Variants in ATP11B observed in about 807,000 individuals in gnomAD.
ATP11B encodes phospholipid-transporting ATPase IF.
Under a neutral mutation model 157.8 loss-of-function variants are expected in ATP11B, and 81 were observed. The observed-to-expected ratio is 0.51, with a 90% CI of 0.43 to 0.62. The LOEUF is 0.62. Ranked by LOEUF, ATP11B falls within the 20% of genes least tolerant of loss-of-function variation. ATP11B has a pLI of 0.00. For missense variants in ATP11B, 1,165 were observed against 1,402.2 expected (o/e 0.83, Z 2.70); for synonymous variants, 451 against 469.4 (o/e 0.96, Z 0.51).
intron 10 of ATP11B, among the ~76,000 whole-genome samples, chr3:182,848,838 A>T (rs535437521): frequency 2.0e-5 from 3 of 152,212 alleles, no homozygotes; most frequent in Non-Finnish European, 2.9e-5. Flanking sequence ...CTGAAAAAAA[A>T]ATTTAAATAA....
At position 182,804,577 on chromosome 3, in the gene ATP11B, G is replaced by A. The variant is rs137997435; in HGVS notation, c.27+10791G>A. Among the ~76,000 whole-genome samples the A allele has an allele frequency of 4.8e-3, 732 of 152,216 alleles. 3 individuals carry two copies. The highest frequency in any genetic ancestry group is 8.3e-3 in the Admixed American group (127 of 15,296). ...TCCAGTGTTCTTTCTCATCTTCTGCGTTACAGTTGCATAGTAGTCTGTTTT... is the reference window on the plus strand; with the variant it reads ...TCCAGTGTTCTTTCTCATCTTCTGCATTACAGTTGCATAGTAGTCTGTTTT... On this transcript the variant is annotated intron_variant, in intron 1 of 29. Coordinates refer to ENST00000323116, the MANE Select transcript of ATP11B (RefSeq NM_014616.3).
At chr3:182,883,261 CTTT>C (rs113393141) in intron 21 of ATP11B, among the ~76,000 whole-genome samples, 1 of 144,972 alleles carries the variant, frequency 6.9e-6, no homozygotes, top group East Asian at 2.0e-4. Context: ...TAAAACAATC[CTTT>C]TTTTTTTTTT....
chr3:182,900,602 GA>G (rs113269324), intron 28 of ATP11B, among the ~76,000 whole-genome samples: 6 of 150,414 alleles, frequency 4.0e-5, no homozygotes, highest in South Asian at 2.1e-4. Context: ...CTAATCTTCT[GA>G]AAAAAAAATT....
intron 1 of ATP11B, among the ~76,000 whole-genome samples, chr3:182,799,254 T>A (rs1715822709): frequency 6.6e-6 from 1 of 152,148 alleles, no homozygotes; most frequent in South Asian, 2.1e-4. Context: ...TTTCTGCAGT[T>A]GTCTGAGTGC....
chr3:182,812,756 T>A (rs1716749361), intron 1 of ATP11B, among the ~76,000 whole-genome samples: 1 of 152,226 alleles, frequency 6.6e-6, no homozygotes. Flanking sequence ...TAACCATTTT[T>A]AAGTGTACAG....
At chr3:182,799,073 G>C (rs1245152011) in intron 1 of ATP11B, among the ~76,000 whole-genome samples, 3 of 152,258 alleles carry the variant, frequency 2.0e-5, no homozygotes, top group East Asian at 1.9e-4. Flanking sequence ...CTTTACCCAG[G>C]CTTTTTTTCT....
At position 182,880,961 on chromosome 3, in the gene ATP11B, A is replaced by G. The variant is rs765881653; in HGVS notation, c.2489A>G (p.Gln830Arg). Reference protein sequence around the residue: ...GDGANDVSMIQEAHVGIGIMG... With the variant: ...GDGANDVSMIREAHVGIGIMG... ...GGTGCTAATGACGTAAGCATGATACAAGAAGCCCATGTTGGCATAGGTGAT... is the reference window on the plus strand; with the variant it reads ...GGTGCTAATGACGTAAGCATGATACGAGAAGCCCATGTTGGCATAGGTGAT... Residue 830 changes from glutamine to arginine, a missense_variant, in exon 21 of 30, where the codon CAA becomes CGA. Physicochemically the swap from Gln to Arg is conservative, Grantham distance 43 (BLOSUM62 1). Coordinates refer to ENST00000323116, the MANE Select transcript of ATP11B (RefSeq NM_014616.3). 6.3e-7 allele frequency: 1 copy of G among 1,591,604 alleles called. No individual in the cohort carries two copies. Among genetic ancestry groups the G allele is most frequent in the Non-Finnish European group, 8.5e-7 (1 of 1,170,394 alleles).
At chr3:182,808,082 C>T (rs1716436861) in intron 1 of ATP11B, among the ~76,000 whole-genome samples, 1 of 152,166 alleles carries the variant, frequency 6.6e-6, no homozygotes, top group Admixed American at 6.5e-5. Context: ...AAAGCTTGAG[C>T]ACAATATAGT....
At chr3:182,902,618 A>C in intron 28 of ATP11B, 1 of 1,117,834 alleles carries the variant, frequency 8.9e-7, no homozygotes, top group Non-Finnish European at 1.2e-6. Context: ...CTAAAGGTCA[A>C]TTAAACAATA....
At chr3:182,848,191 TTTCCTCTATCAATTCCAA>T (rs1290923858) in intron 9 of ATP11B, among the ~76,000 whole-genome samples, 1 of 152,250 alleles carries the variant, frequency 6.6e-6, no homozygotes, top group Non-Finnish European at 1.5e-5. Flanking sequence ...TCCAGATTCT[TTTCCTCTATCAATTCCAA>T]TTCAAGTAAT....
At position 182,837,221 on chromosome 3, in the gene ATP11B, C is replaced by A. The variant is rs773475967; in HGVS notation, c.656+47C>A. The A allele has an allele frequency of 1.1e-5, 14 of 1,306,858 alleles. No individual in the cohort carries two copies. The South Asian group carries it at 1.9e-4, about 17-fold the overall frequency. 81.0% of individuals were successfully genotyped at this position (1,306,858 alleles called of 1,614,324 possible). On this transcript the variant is annotated intron_variant, in intron 7 of 29. Coordinates refer to ENST00000323116, the MANE Select transcript of ATP11B (RefSeq NM_014616.3). Reference sequence around the variant, plus strand: ...ACTTATTTTAAGTCCTATTTACAGACCTCATTTTTAAATAACCATAAACAT... The same window carrying A: ...ACTTATTTTAAGTCCTATTTACAGAACTCATTTTTAAATAACCATAAACAT...
chr3:182,853,337 G>A (rs1720124071), intron 10 of ATP11B, among the ~76,000 whole-genome samples: 1 of 151,968 alleles, frequency 6.6e-6, no homozygotes, highest in African/African-American at 2.4e-5. Context: ...CCTCCCGAGT[G>A]GCTGGGACCA....
chr3:182,902,161 A>G (rs906147461), intron 28 of ATP11B, among the ~76,000 whole-genome samples: 7 of 152,214 alleles, frequency 4.6e-5, no homozygotes, highest in Admixed American at 1.3e-4. Context: ...TGATGGAGAA[A>G]TGGCTAGAAA....
rs1344242422 is a variant in ATP11B at position 182,883,870 on chromosome 3, G to A, written c.2510-883G>A. On this transcript the variant is annotated intron_variant, in intron 21 of 29. Coordinates refer to ENST00000323116, the MANE Select transcript of ATP11B (RefSeq NM_014616.3). ...CTTGGGAGGCTGAGGCAGGAGAATG[G>A]CGTGAACCTGGGAGGCGGAGCTTGC... Among the ~76,000 whole-genome samples, 4 of 148,844 alleles carry A rather than the reference G, an allele frequency of 2.7e-5. No individual in the cohort carries two copies. In the East Asian group the frequency reaches 8.0e-4, roughly 30 times the overall value.
At chr3:182,914,843 A>G in intron 29 of ATP11B, 6 of 985,356 alleles carry the variant, frequency 6.1e-6, no homozygotes, top group Non-Finnish European at 7.2e-6. Context: ...AGCTTTTTCC[A>G]CACTTGGTGT....
chr3:182,914,089 T>G (rs1724986188), intron 29 of ATP11B, 95 bp downstream of exon 29: 1 of 1,552,308 alleles, frequency 6.4e-7, no homozygotes, highest in African/African-American at 1.4e-5. Context: ...AATCAGCAGC[T>G]GGTTTTACCA....
chr3:182,804,335 T>G (rs953830396), intron 1 of ATP11B, among the ~76,000 whole-genome samples: 3 of 151,810 alleles, frequency 2.0e-5, no homozygotes, highest in Non-Finnish European at 1.5e-5. Context: ...AAGCTCTGCC[T>G]CCAGGGTTCA....
intron 25 of ATP11B, among the ~76,000 whole-genome samples, chr3:182,892,669 A>G (rs1053369597): frequency 6.6e-6 from 1 of 152,204 alleles, no homozygotes; most frequent in Non-Finnish European, 1.5e-5. Flanking sequence ...TAGCTTAGGA[A>G]AGAACTAGTC....
Position 182,866,278 on chromosome 3 carries a change from A to G in ATP11B, c.1454A>G (p.His485Arg). Reference protein sequence around the residue: ...PENETELIKEHDLFFKAVSLC... With the variant: ...PENETELIKERDLFFKAVSLC... ...ATTACATTTTTACAGATTAAAGAAC[A>G]TGATCTCTTCTTTAAAGCAGTCAGT... Residue 485 changes from histidine to arginine, a missense_variant, in exon 14 of 30, where the codon CAT (histidine) becomes CGT (arginine). This residue lies in a region of ATP11B where 737 missense variants were observed against 930.5 expected (regional missense o/e 0.79). Transcript: ENST00000323116. 6.4e-7 allele frequency: 1 copy of G among 1,572,904 alleles called. No individual in the cohort carries two copies. Among genetic ancestry groups the G allele is most frequent in the Non-Finnish European group, 8.7e-7 (1 of 1,155,768 alleles).
Sources: allele counts gnomAD v4.1 joint callset (sites outside exome capture counted in the v4.1 genomes callset), GRCh38; gene constraint gnomAD v4.1.1; regional missense constraint gnomAD v4.1.1; transcripts MANE v1.5; gene names NCBI Gene and HGNC (gene_info 2026-07-23, HGNC 2026-07-21).